Variants in STAB2 observed in about 807,000 individuals in gnomAD.
The protein encoded by STAB2 is stabilin 2, also known as stabilin-2.
Under a neutral mutation model 338.1 loss-of-function variants are expected in STAB2, and 288 were observed. The ratio of observed to expected loss-of-function variants is 0.85; its 90% CI spans 0.77 to 0.94. The LOEUF (loss-of-function observed/expected upper bound fraction) is 0.94. STAB2 is among the 40% of genes least tolerant of loss of function. STAB2 has a pLI of 0.00. For synonymous variants in STAB2, 1,202 were observed against 1,193.3 expected, an observed-to-expected ratio of 1.01 and a Z score of -0.15; for missense variants, 3,141 against 3,210.1, an observed-to-expected ratio of 0.98 and a Z score of 0.52.
chr12:103,688,320 A>G, intron 28 of STAB2, 105 bp downstream of exon 28: 4 of 1,107,644 alleles, frequency 3.6e-6, no homozygotes, highest in Admixed American at 1.7e-5. Flanking sequence ...AGTGTAGGCA[A>G]TTGTGCTGAG....
Position 103,750,590 on chromosome 12 carries a change from G to A in STAB2, c.6450G>A (p.Lys2150=), listed in dbSNP as rs1446897477. 10 of 1,614,198 alleles carry A rather than the reference G, an allele frequency of 6.2e-6. No homozygotes were observed. The highest frequency in any genetic ancestry group is 7.6e-6 in the Non-Finnish European group (9 of 1,180,026). ...TCKMTGPGKH[K]CECKSHYVGD... is the part of the protein sequence containing the mutation. ...CTCTCCCTCCACAGGGCAAGCACAA[G>A]TGTGAGTGTAAAAGTCACTATGTCG... The change falls in exon 60 of 69, where the codon AAG becomes AAA. Residue 2150 remains lysine (K), a synonymous_variant. Coordinates refer to ENST00000388887, the MANE Select transcript of STAB2 (RefSeq NM_017564.10).
Position 103,666,482 on chromosome 12 carries a change from G to A in STAB2, c.2085+129G>A, listed in dbSNP as rs374905595. ...TGGGGTAATATAAGATGGGCTCGTA[G>A]CCTACTATATGGGGGATGGTAGAAA... On this transcript the variant is annotated intron_variant, in intron 19 of 68. Transcript: ENST00000388887. The A allele has an allele frequency of 7.8e-5, 71 of 905,794 alleles. 1 individual carries two copies. The highest frequency in any genetic ancestry group is 6.7e-4 in the African/African-American group (41 of 60,930). 56.1% of individuals were successfully genotyped at this position (905,794 alleles called of 1,614,324 possible).
Position 103,733,092 on chromosome 12 carries a change from A to C in STAB2, c.5370A>C (p.Leu1790=). ...CCACCGACCAAGCCCTCCATGCCCTACCTGCTGAACAACAGGACTTCCTGT... is the reference window on the plus strand; with the variant it reads ...CCACCGACCAAGCCCTCCATGCCCTCCCTGCTGAACAACAGGACTTCCTGT... ...FWPTDQALHA[L]PAEQQDFLFN... The change falls in exon 51 of 69, where the codon CTA becomes CTC. Residue 1790 remains leucine, a synonymous_variant. Coordinates refer to ENST00000388887, the MANE Select transcript of STAB2 (RefSeq NM_017564.10). 6.2e-7 allele frequency: 1 copy of C among 1,614,114 alleles called. No individual in the cohort carries two copies. Among genetic ancestry groups the C allele is most frequent in the South Asian group, 1.1e-5 (1 of 91,086 alleles).
At chr12:103,750,507 C>G in intron 59 of STAB2, 72 bp from the exon 60 acceptor site, 2 of 1,584,152 alleles carry the variant, frequency 1.3e-6, no homozygotes, top group Non-Finnish European at 1.7e-6. Context: ...GGACATTGGT[C>G]CCATGGGCAC....
chr12:103,620,437 A>G, intron 3 of STAB2, 31 bp from the exon 4 acceptor site: 1 of 1,551,558 alleles, frequency 6.4e-7, no homozygotes, highest in Non-Finnish European at 8.7e-7. Flanking sequence ...GCAGTCACGA[A>G]TGAATACATC....
chr12:103,650,826 A>G (rs543794402), intron 11 of STAB2, among the ~76,000 whole-genome samples: 1 of 152,324 alleles, frequency 6.6e-6, no homozygotes, highest in Admixed American at 6.5e-5. Context: ...GTCCATTGCC[A>G]GCAACCTAGA....
intron 60 of STAB2, among the ~76,000 whole-genome samples, chr12:103,751,442 A>C (rs1040937134): frequency 6.6e-6 from 1 of 152,182 alleles, no homozygotes; most frequent in Admixed American, 6.5e-5. Flanking sequence ...AGGCTCAGCC[A>C]TGACATAAAG....
At chr12:103,744,713 T>A (rs1882872902) in intron 56 of STAB2, among the ~76,000 whole-genome samples, 1 of 151,966 alleles carries the variant, frequency 6.6e-6, no homozygotes, top group South Asian at 2.1e-4. Context: ...CCTCAAGCAA[T>A]CCTCCCACCT....
At chr12:103,637,573 C>T (rs1186020087) in intron 7 of STAB2, among the ~76,000 whole-genome samples, 1 of 152,192 alleles carries the variant, frequency 6.6e-6, no homozygotes, top group Non-Finnish European at 1.5e-5. Flanking sequence ...GCCAGACCGT[C>T]TGGGTTCAGT....
chr12:103,731,739 T>C (rs555276751), intron 50 of STAB2, 104 bp downstream of exon 50: 70 of 1,138,932 alleles, frequency 6.1e-5, no homozygotes, highest in Non-Finnish European at 8.5e-5. Flanking sequence ...TGGCCAGCTG[T>C]TGTGGGATCT....
rs761577344 is a variant in STAB2, at chr12:103,706,999, C to T, written c.4192+12C>T. ...CCACTGTGACCAAGGTGAGCACCGT[C>T]CTCTCCACAGAGGATCTTGGGCTGC... On this transcript the variant is annotated intron_variant, in intron 38 of 68. Transcript: ENST00000388887. 3.1e-6 allele frequency: 5 copies of T among 1,613,572 alleles called. No individual in the cohort carries two copies. Among genetic ancestry groups the T allele is most frequent in the Non-Finnish European group, 4.2e-6 (5 of 1,179,806 alleles).
At chr12:103,654,368 T>C (rs1874015745) in intron 12 of STAB2, among the ~76,000 whole-genome samples, 187 bp from the exon 13 acceptor site, 1 of 152,220 alleles carries the variant, frequency 6.6e-6, no homozygotes, top group Admixed American at 6.5e-5. Context: ...CATTTGATCT[T>C]AATGAAAACC....
intron 3 of STAB2, among the ~76,000 whole-genome samples, 166 bp downstream of exon 3, chr12:103,594,676 C>A (rs1279526334): frequency 6.6e-6 from 1 of 152,170 alleles, no homozygotes; most frequent in African/African-American, 2.4e-5. Context: ...TTAGCTTTCA[C>A]AAAGCAATCT....
intron 13 of STAB2, chr12:103,654,914 C>G: frequency 1.7e-6 from 1 of 603,032 alleles, no homozygotes; most frequent in Non-Finnish European, 2.7e-6. Flanking sequence ...TGGGAAAGAT[C>G]TGGATTTTTT....
At chr12:103,682,927 G>A (rs1000194562) in intron 25 of STAB2, among the ~76,000 whole-genome samples, 30 of 150,396 alleles carry the variant, frequency 2.0e-4, no homozygotes, top group African/African-American at 7.4e-4. Context: ...CATCCTGGGC[G>A]ACAGAGTGAG....
intron 3 of STAB2, among the ~76,000 whole-genome samples, chr12:103,599,951 G>A (rs543097767): frequency 6.6e-6 from 1 of 152,256 alleles, no homozygotes; most frequent in Non-Finnish European, 1.5e-5. Flanking sequence ...CAGGCTTAAG[G>A]ACTCAAATTC....
At chr12:103,721,480 A>T (rs1443753826) in intron 44 of STAB2, among the ~76,000 whole-genome samples, 1 of 152,084 alleles carries the variant, frequency 6.6e-6, no homozygotes. Context: ...TGGAGCTTAT[A>T]TTTTTTTCCA....
chr12:103,677,418 A>G, intron 24 of STAB2, 35 bp from the exon 25 acceptor site: 1 of 1,588,018 alleles, frequency 6.3e-7, no homozygotes, highest in African/African-American at 1.3e-5. Context: ...TGGACTGAGG[A>G]TTCAGAGGCT....
In STAB2 at chr12:103,727,341, G is replaced by T; in HGVS notation, c.4926G>T (p.Glu1642Asp). The change falls in exon 47 of 69, where the codon GAG becomes GAT. Residue 1642 changes from glutamate (E) to aspartate (D), a missense_variant. Transcript: ENST00000388887. ...CACCTTTATCTGCAGCCTTTGATGA[G>T]GAAGCTCGGGTGAGCATGAGACTGT... ...VFAPLSAAFD[E>D]EARVKDWDKY... The T allele has an allele frequency of 6.2e-7, 1 of 1,614,222 alleles. No individual in the cohort carries two copies. The highest frequency in any genetic ancestry group is 8.5e-7 in the Non-Finnish European group (1 of 1,180,024).
Sources: gnomAD v4.1 joint callset for allele counts (sites outside exome capture counted in the v4.1 genomes callset) on GRCh38, gnomAD v4.1.1 for gene constraint, MANE v1.5 for transcripts, NCBI Gene and HGNC (gene_info 2026-07-23, HGNC 2026-07-21) for gene names.